WWOX: variants seen among roughly 807,000 people sequenced by gnomAD.
WWOX encodes WW domain-containing oxidoreductase.
WWOX carries 69 observed loss-of-function variants against 46.2 expected under a neutral mutation model. The observed-to-expected ratio is 1.49, with a 90% CI of 1.23 to 1.82. WWOX has a LOEUF of 1.82. Among genes scored for constraint, WWOX ranks in the 40% most tolerant of loss-of-function variants. The probability of loss-of-function intolerance (pLI) is 0.00; values close to 1 mark genes in which losing one functional copy is unlikely to be tolerated. For synonymous variants in WWOX, 359 were observed against 202.6 expected (o/e 1.77, Z -6.56); for missense variants, 919 against 542.6 (o/e 1.69, Z -6.89).
chr16:78,303,499 A>G (rs1214668852), intron 5 of WWOX, among the ~76,000 whole-genome samples: 1 of 151,794 alleles, frequency 6.6e-6, no homozygotes, highest in Non-Finnish European at 1.5e-5. Context: ...TCAAATTTTC[A>G]CCACCTGTGC....
chr16:78,869,854 C>G (rs1445164823), intron 8 of WWOX, among the ~76,000 whole-genome samples: 1 of 152,188 alleles, frequency 6.6e-6, no homozygotes, highest in Non-Finnish European at 1.5e-5. Flanking sequence ...TGTTTATCTC[C>G]CTTTTACTCA....
chr16:79,051,019 G>T (rs1321890664), intron 8 of WWOX, among the ~76,000 whole-genome samples: 1 of 152,144 alleles, frequency 6.6e-6, no homozygotes, highest in Non-Finnish European at 1.5e-5. Context: ...ACGGCTCTTC[G>T]CCCATTAACG....
intron 8 of WWOX, among the ~76,000 whole-genome samples, chr16:78,536,039 G>A (rs1215141934): frequency 6.6e-6 from 1 of 152,180 alleles, no homozygotes. Flanking sequence ...AGCCATAATG[G>A]AGTTGTTCAG....
intron 8 of WWOX, among the ~76,000 whole-genome samples, chr16:78,709,648 A>G (rs562783167): frequency 5.5e-4 from 83 of 152,170 alleles, no homozygotes; most frequent in Non-Finnish European, 1.0e-3. Flanking sequence ...AGGGAATGAA[A>G]ACCAACTGCC....
intron 8 of WWOX, among the ~76,000 whole-genome samples, chr16:78,643,738 C>T (rs1471958495): frequency 1.3e-5 from 2 of 151,824 alleles, no homozygotes; most frequent in Non-Finnish European, 2.9e-5. Flanking sequence ...AAAAGGAAGC[C>T]CTAGACTTCT....
intron 8 of WWOX, among the ~76,000 whole-genome samples, chr16:78,718,092 G>GTTTTTTTTTTTTTTTTTTTTTTTTATTTT: frequency 7.2e-6 from 1 of 139,616 alleles, no homozygotes; most frequent in African/African-American, 2.9e-5. Context: ...GGTTCTGGTG[G>GTTTTTTTTTTTTTTTTTTTTTTTTATTTT]TTGTATTTTT....
chr16:79,142,561 A>C (rs1049885599), intron 8 of WWOX, among the ~76,000 whole-genome samples: 2 of 152,196 alleles, frequency 1.3e-5, no homozygotes, highest in Non-Finnish European at 2.9e-5. Flanking sequence ...CTTAATTGTT[A>C]TTAGAGAGAA....
intron 8 of WWOX, among the ~76,000 whole-genome samples, chr16:79,000,538 C>T (rs1373746672): frequency 6.6e-6 from 1 of 152,086 alleles, no homozygotes; most frequent in Non-Finnish European, 1.5e-5. Context: ...ATGTTACCAG[C>T]TTTAAAGAGG....
chr16:78,767,614 C>G (rs2049955830), intron 8 of WWOX, among the ~76,000 whole-genome samples: 1 of 152,136 alleles, frequency 6.6e-6, no homozygotes, highest in Non-Finnish European at 1.5e-5. Context: ...CGTTTCGTAT[C>G]TGTGTGCTTA....
rs184543326 is a variant in WWOX at position 78,783,943 on chromosome 16, G to A, written c.1056+351191G>A. Among the ~76,000 whole-genome samples, 522 of 152,040 alleles carry A rather than the reference G, an allele frequency of 3.4e-3. 4 individuals are homozygous for A. The highest frequency in any genetic ancestry group is 0.012 in the African/African-American group (500 of 41,502). The stretch of plus-strand genomic sequence containing the variant: ...TGTCGATAATGATGGTGATGCTGGT[G>A]CTGTTGGTGATGGTGATGCTGGTGA... On this transcript the variant is annotated intron_variant, in intron 8 of 8. Coordinates refer to ENST00000566780, the MANE Select transcript of WWOX (RefSeq NM_016373.4).
chr16:78,487,450 C>G (rs1382132350), intron 8 of WWOX, among the ~76,000 whole-genome samples: 1 of 152,112 alleles, frequency 6.6e-6, no homozygotes, highest in African/African-American at 2.4e-5. Context: ...TACTAATGTT[C>G]CGTCTTTGCA....
intron 8 of WWOX, among the ~76,000 whole-genome samples, chr16:79,119,952 G>A (rs1007123971): frequency 2.6e-5 from 4 of 152,302 alleles, no homozygotes; most frequent in Non-Finnish European, 4.4e-5. Flanking sequence ...TTCAGGGGCC[G>A]TGGAATGGAC....
intron 5 of WWOX, among the ~76,000 whole-genome samples, chr16:78,255,843 A>G (rs1473222422): frequency 6.6e-6 from 1 of 152,206 alleles, no homozygotes; most frequent in Non-Finnish European, 1.5e-5. Context: ...CTTAAAGTTC[A>G]AAGAAAGGAG....
At chr16:78,526,392 G>C (rs2043469049) in intron 8 of WWOX, 1 of 152,194 alleles carries the variant, frequency 6.6e-6, no homozygotes. Context: ...CTCATGTGGG[G>C]GCCTAATTCT....
At chr16:78,309,703 C>G (rs1227997424) in intron 5 of WWOX, among the ~76,000 whole-genome samples, 3 of 152,178 alleles carry the variant, frequency 2.0e-5, no homozygotes, top group African/African-American at 4.8e-5. Flanking sequence ...GAGTTTCACT[C>G]TTTCAATCAA....
rs1341202124 is a variant in WWOX at position 79,211,615 on chromosome 16, G to GA, written c.1065dup (p.Ala356SerfsTer173). On this transcript the variant is annotated frameshift_variant, in exon 9 of 9. Coordinates refer to ENST00000566780, the MANE Select transcript of WWOX (RefSeq NM_016373.4). LOFTEE classifies it high-confidence loss of function. ...TTCTTCTTGGATTTCCAGCAACAGG[G>GA]AGCTGCCACCACCGTGTACTGTGCT... is the stretch of plus-strand genomic sequence containing the variant. The GA allele has an allele frequency of 6.2e-7, 1 of 1,614,046 alleles. No homozygotes were observed. The highest frequency in any genetic ancestry group is 2.2e-5 in the East Asian group (1 of 44,878).
intron 8 of WWOX, among the ~76,000 whole-genome samples, chr16:78,541,176 T>C (rs1186583421): frequency 6.6e-6 from 1 of 152,144 alleles, no homozygotes; most frequent in African/African-American, 2.4e-5. Context: ...ACTTCTGTTA[T>C]AAAAATAGAC....
chr16:78,648,304 C>T (rs893159599), intron 8 of WWOX, among the ~76,000 whole-genome samples: 16 of 152,314 alleles, frequency 1.1e-4, no homozygotes, highest in African/African-American at 3.4e-4. Context: ...ATGCGAGGCC[C>T]TTGTTGTAAG....
chr16:78,402,210 T>G (rs73571034), intron 6 of WWOX, among the ~76,000 whole-genome samples: 1,949 of 152,326 alleles, frequency 0.013, 39 homozygotes, highest in African/African-American at 0.044. Context: ...ATTCTGGACA[T>G]TTCATATGAG....
Sources: gnomAD v4.1 joint callset for allele counts (sites outside exome capture counted in the v4.1 genomes callset) on GRCh38, gnomAD v4.1.1 for gene constraint, MANE v1.5 for transcripts, NCBI Gene and HGNC (gene_info 2026-07-23, HGNC 2026-07-21) for gene names.